The following ACSL1 variants were observed in gnomAD, a reference collection of about 807,000 sequenced individuals.
The protein encoded by ACSL1 is acyl-CoA synthetase long chain family member 1.
A neutral mutation model predicts 98.4 loss-of-function variants in ACSL1; 41 were observed. The observed-to-expected ratio is 0.42, with a 90% CI of 0.32 to 0.54. ACSL1 has a LOEUF of 0.54. ACSL1 is among the 20% of genes least tolerant of loss of function. The probability of loss-of-function intolerance (pLI) is 0.13; values close to 1 mark genes in which losing one functional copy is unlikely to be tolerated. For missense variants in ACSL1, 734 were observed against 883.1 expected (o/e 0.83, Z 2.14); for synonymous variants, 316 against 322.7 (o/e 0.98, Z 0.22).
At chr4:184,799,267 C>G (rs1374116774) in intron 2 of ACSL1, among the ~76,000 whole-genome samples, 1 of 152,042 alleles carries the variant, frequency 6.6e-6, no homozygotes, top group African/African-American at 2.4e-5. Context: ...CAGGCACACG[C>G]CACCACGCCT....
intron 2 of ACSL1, among the ~76,000 whole-genome samples, chr4:184,794,783 C>A (rs965478140): frequency 3.3e-5 from 5 of 152,192 alleles, no homozygotes; most frequent in Non-Finnish European, 5.9e-5. Flanking sequence ...CATCCTTCAT[C>A]CTTGAGGAGG....
intron 3 of ACSL1, among the ~76,000 whole-genome samples, chr4:184,784,901 C>G (rs976875794): frequency 6.6e-6 from 1 of 152,198 alleles, no homozygotes; most frequent in African/African-American, 2.4e-5. Context: ...CGGACCCTCT[C>G]CCATTTACAG....
Position 184,803,605 on chromosome 4 carries a change from T to G in ACSL1, c.-32-59A>C. 1 of 1,213,102 alleles carries G rather than the reference T, an allele frequency of 8.2e-7. No homozygotes were observed. The highest frequency in any genetic ancestry group is 1.1e-6 in the Non-Finnish European group (1 of 934,288). The allele number at this position is 1,213,102 out of a possible 1,614,324, so 75.1% of individuals were successfully genotyped here. The stretch of plus-strand genomic sequence containing the variant: ...GGGAAGCAGGACCCCTCTCCAGAAC[T>G]CCAAAATTCCACCGGCCAGCCATCT... On this transcript the variant is annotated intron_variant, in intron 1 of 20. Coordinates refer to ENST00000281455, the MANE Select transcript of ACSL1 (RefSeq NM_001995.5). This position sits in a 1 kb window ranked among gnomAD's most constrained non-coding sequence, Gnocchi z 4.8.
At position 184,803,475 on chromosome 4, in the gene ACSL1, C is replaced by T. The variant is rs1306634362; in HGVS notation, c.40G>A (p.Glu14Lys). The T allele has an allele frequency of 6.2e-7, 1 of 1,608,834 alleles. No homozygotes were observed. Among genetic ancestry groups the T allele is most frequent in the African/African-American group, 1.3e-5 (1 of 74,734 alleles). The change falls in exon 2 of 21, where the codon GAG (glutamate) becomes AAG (lysine). Residue 14 changes from glutamate to lysine, a missense_variant. Coordinates refer to ENST00000281455, the MANE Select transcript of ACSL1 (RefSeq NM_001995.5). This position sits in a 1 kb window ranked among gnomAD's most constrained non-coding sequence, Gnocchi z 4.8. ...HELFRYFRMP[E>K]LVDFRQYVRT... is the part of the protein sequence containing the mutation. ...ACGTACTGTCGGAAGTCAACCAGCT[C>T]TGGCATTCGAAAATACCGGAACAGC...
chr4:184,812,168 G>C (rs377328332), intron 1 of ACSL1: 1 of 984,286 alleles, frequency 1.0e-6, no homozygotes, highest in African/African-American at 1.7e-5. Context: ...ACAGCGAATG[G>C]TACTTAGTAC....
At chr4:184,821,377 C>T (rs1773058835) in intron 1 of ACSL1, 2 of 261,262 alleles carry the variant, frequency 7.7e-6, no homozygotes, top group South Asian at 3.4e-5. Context: ...ATTTCTATAG[C>T]AGCCAAAGCT....
At chr4:184,771,952 A>C (rs1052617633) in intron 10 of ACSL1, among the ~76,000 whole-genome samples, 1 of 152,236 alleles carries the variant, frequency 6.6e-6, no homozygotes, top group Non-Finnish European at 1.5e-5. Context: ...TATTAATATA[A>C]TGAGAAATCG....
chr4:184,804,587 G>GAAA (rs56884755), intron 1 of ACSL1, among the ~76,000 whole-genome samples: 1 of 94,208 alleles, frequency 1.1e-5, no homozygotes, highest in African/African-American at 3.5e-5. Flanking sequence ...TCTCAAAAAA[G>GAAA]AAAAAAAAAA....
intron 1 of ACSL1, among the ~76,000 whole-genome samples, chr4:184,811,288 A>G (rs375492409): frequency 4.7e-4 from 71 of 150,960 alleles, no homozygotes; most frequent in Middle Eastern, 6.8e-3. Context: ...TTTTTTTTGT[A>G]TTTTTAGTAG....
chr4:184,762,975 T>C (rs1437080237), intron 16 of ACSL1, among the ~76,000 whole-genome samples, 192 bp downstream of exon 16: 1 of 152,072 alleles, frequency 6.6e-6, no homozygotes, highest in Non-Finnish European at 1.5e-5. Context: ...CAGGCATCAG[T>C]GTCCCTCCTG....
chr4:184,809,183 G>A (rs1317336773), intron 1 of ACSL1, among the ~76,000 whole-genome samples: 1 of 152,182 alleles, frequency 6.6e-6, no homozygotes, highest in Non-Finnish European at 1.5e-5. Context: ...AAATATTCAA[G>A]TCCAGCTGAA....
intron 4 of ACSL1, among the ~76,000 whole-genome samples, chr4:184,782,303 C>T (rs537003675): frequency 6.7e-6 from 1 of 150,016 alleles, no homozygotes; most frequent in Non-Finnish European, 1.5e-5. Context: ...TTCCTAGCCA[C>T]CAAAAGGTCA....
intron 2 of ACSL1, among the ~76,000 whole-genome samples, chr4:184,797,910 C>G (rs1769724502): frequency 6.6e-6 from 1 of 152,180 alleles, no homozygotes; most frequent in Non-Finnish European, 1.5e-5. Flanking sequence ...GAATGAAACC[C>G]AAAGCGCCAC....
intron 1 of ACSL1, among the ~76,000 whole-genome samples, chr4:184,809,956 C>T (rs1227067395): frequency 2.0e-5 from 3 of 152,176 alleles, no homozygotes; most frequent in African/African-American, 4.8e-5. Context: ...TTTCCTCTTC[C>T]ACTGAAGTTG....
At chr4:184,824,411 A>G (rs1186968793) in intron 1 of ACSL1, among the ~76,000 whole-genome samples, 1 of 152,154 alleles carries the variant, frequency 6.6e-6, no homozygotes, top group African/African-American at 2.4e-5. Flanking sequence ...ACAGTGAGCC[A>G]CCACGCCTGT....
chr4:184,825,291 G>A lies in ACSL1; in HGVS notation c.-33+625C>T, dbSNP rs1773377600. On this transcript the variant is annotated intron_variant, in intron 1 of 20. Transcript: ENST00000281455. The surrounding 1 kb of genome is among the most constrained non-coding windows in gnomAD (Gnocchi z 4.7). ...TGCTTCTCAATTTCAAAAAATGCCA[G>A]CACTCCTTAGATCAATGACTCCACG... 2 of 976,486 alleles carry A rather than the reference G, an allele frequency of 2.0e-6. No individual in the cohort carries two copies. Among genetic ancestry groups the A allele is most frequent in the South Asian group, 9.5e-5 (2 of 21,070 alleles). 60.5% of individuals were successfully genotyped at this position (976,486 alleles called of 1,614,324 possible). A position where few individuals can be genotyped will look rare whatever the true frequency, so the allele number is the denominator to read the frequency against.
chr4:184,803,239 T>C lies in ACSL1; in HGVS notation c.195+81A>G. On this transcript the variant is annotated intron_variant, in intron 2 of 20. Transcript: ENST00000281455. The surrounding 1 kb of genome is among the most constrained non-coding windows in gnomAD (Gnocchi z 4.8). ...GTTATAAACAAATATTTGATCTTGA[T>C]GGCTATCACATTCAACAGGGCTCAG... The C allele has an allele frequency of 8.0e-7, 1 of 1,248,148 alleles. No individual in the cohort carries two copies. 77.3% of individuals were successfully genotyped at this position (1,248,148 alleles called of 1,614,324 possible). A position where few individuals can be genotyped will look rare whatever the true frequency, so the allele number is the denominator to read the frequency against.
At chr4:184,819,915 G>A (rs1169414405) in intron 1 of ACSL1, among the ~76,000 whole-genome samples, 1 of 152,176 alleles carries the variant, frequency 6.6e-6, no homozygotes, top group African/African-American at 2.4e-5. Context: ...GAGAAGGCAA[G>A]GAGGAAATGC....
chr4:184,808,240 T>TACAC lies in ACSL1; in HGVS notation c.-32-4698_-32-4695dup, dbSNP rs144996842. 1,140 of 811,884 alleles carry TACAC rather than the reference T, an allele frequency of 1.4e-3. 9 individuals are homozygous for TACAC. In the African/African-American group the frequency reaches 0.019, roughly 13 times the overall value. 50.3% of individuals were successfully genotyped at this position (811,884 alleles called of 1,614,324 possible). ...TCTTGAAGATACACATACACAAACA[T>TACAC]ACACACACACACACACACACTGCCC... On this transcript the variant is annotated intron_variant, in intron 1 of 20. Transcript: ENST00000281455.
Sources: gnomAD v4.1 joint callset for allele counts (sites outside exome capture counted in the v4.1 genomes callset) on GRCh38, gnomAD v4.1.1 for gene constraint, Gnocchi (gnomAD v3.1) non-coding constraint, MANE v1.5 for transcripts, NCBI Gene and HGNC (gene_info 2026-07-23, HGNC 2026-07-21) for gene names.